The following MCF2L variants were observed in gnomAD, a reference collection of about 807,000 sequenced individuals.
MCF2L encodes guanine nucleotide exchange factor DBS.
In MCF2L, 97 loss-of-function variants were observed where a neutral mutation model predicts 153.4. That is an observed-to-expected ratio of 0.63 (90% CI 0.54 to 0.75). MCF2L has a LOEUF of 0.75. Ranked by LOEUF, MCF2L falls within the 30% of genes least tolerant of loss-of-function variation. The probability of loss-of-function intolerance (pLI) is 0.00; values close to 1 mark genes in which losing one functional copy is unlikely to be tolerated. For synonymous variants in MCF2L, 659 were observed against 632.2 expected, an observed-to-expected ratio of 1.04 and a Z score of -0.64; for missense variants, 1,347 against 1,495.2, an observed-to-expected ratio of 0.90 and a Z score of 1.64.
chr13:113,033,428 A>ATGATGTGAGTGGCCCCCG (rs1230355827), intron 3 of MCF2L, among the ~76,000 whole-genome samples: 2 of 24,632 alleles, frequency 8.1e-5, no homozygotes, highest in South Asian at 1.4e-3. Flanking sequence ...AGTGGCCCCC[A>ATGATGTGAGTGGCCCCCG]TGATGTGAGT....
In MCF2L at chr13:112,941,734, G is replaced by A. The variant is rs370820315; in HGVS notation, c.169+39363G>A. The stretch of plus-strand genomic sequence containing the variant: ...AATAAGAATAGTTATACTAGATATC[G>A]ATCTTAGATGTGATTATATATGAAT... On this transcript the variant is annotated intron_variant, in intron 2 of 29. Coordinates refer to the MCF2L transcript ENST00000375608. The surrounding 1 kb of genome is among the most constrained non-coding windows in gnomAD (Gnocchi z 4.9). Among the ~76,000 whole-genome samples, 2 of 152,000 alleles carry A rather than the reference G, an allele frequency of 1.3e-5. No individual in the cohort carries two copies. The highest frequency in any genetic ancestry group is 6.6e-5 in the Admixed American group (1 of 15,252).
At chr13:113,065,355 G>T (rs987241136) in intron 7 of MCF2L, 2 of 478,992 alleles carry the variant, frequency 4.2e-6, no homozygotes, top group African/African-American at 3.9e-5. Flanking sequence ...TCAACCATTG[G>T]CCCTGGGTGG....
chr13:113,039,485 TAA>T (rs1462034698), intron 3 of MCF2L, among the ~76,000 whole-genome samples: 3 of 152,214 alleles, frequency 2.0e-5, no homozygotes, highest in African/African-American at 7.2e-5. Context: ...ACATTAAAGT[TAA>T]GTTACTCTTT....
intron 16 of MCF2L, 30 bp downstream of exon 16, chr13:113,081,309 C>T (rs2034111602): frequency 7.7e-6 from 12 of 1,557,742 alleles, no homozygotes; most frequent in Non-Finnish European, 9.5e-6. Flanking sequence ...GGGCCGACTG[C>T]CACGGGGACT....
chr13:113,023,151 C>T (rs890983610), intron 2 of MCF2L, among the ~76,000 whole-genome samples: 6 of 152,358 alleles, frequency 3.9e-5, no homozygotes, highest in Admixed American at 1.3e-4. Context: ...GGACGCCCCT[C>T]GGCTCAGCCC....
chr13:113,064,606 G>C lies in MCF2L; in HGVS notation c.606+186G>C. 1.8e-6 allele frequency: 1 copy of C among 555,510 alleles called. No individual in the cohort carries two copies. Among genetic ancestry groups the C allele is most frequent in the South Asian group, 2.2e-5 (1 of 44,470 alleles). The allele number at this position is 555,510 out of a possible 1,614,324, so 34.4% of individuals were successfully genotyped here. On this transcript the variant is annotated intron_variant, in intron 6 of 29. Transcript: ENST00000535094. The surrounding 1 kb of genome is among the most constrained non-coding windows in gnomAD (Gnocchi z 6.0). ...TGTAAAGAAGTAACGTGAGTCATAA[G>C]TTTGGGAGTGGCTTTCTCTGGGCTT... is the stretch of plus-strand genomic sequence containing the variant.
At chr13:113,005,995 G>A (rs899984403) in intron 1 of MCF2L, among the ~76,000 whole-genome samples, 5 of 152,146 alleles carry the variant, frequency 3.3e-5, no homozygotes, top group South Asian at 2.1e-4. Flanking sequence ...GAAAATCATC[G>A]GACTCGAAGC....
At position 113,084,937 on chromosome 13, in the gene MCF2L, C is replaced by T. The variant is rs771776117; in HGVS notation, c.2107C>T (p.Arg703Cys). The T allele has an allele frequency of 1.5e-5, 25 of 1,613,964 alleles. No homozygotes were observed. Among genetic ancestry groups the T allele is most frequent in the Non-Finnish European group, 1.8e-5 (21 of 1,180,040 alleles). Residue 703 changes from arginine (R) to cysteine (C), a missense_variant, in exon 19 of 30, where the codon CGC becomes TGC. Physicochemically the swap from Arg to Cys is radical, Grantham distance 180. Coordinates refer to ENST00000535094, the MANE Select transcript of MCF2L (RefSeq NM_001112732.3). ...IYEKYCQNKP[R>C]SESLWRQCSD... ...TGAGAAGTACTGTCAGAACAAGCCCCGCTCTGAGAGCCTGTGGAGACAGTG... is the reference window on the plus strand; with the variant it reads ...TGAGAAGTACTGTCAGAACAAGCCCTGCTCTGAGAGCCTGTGGAGACAGTG...
chr13:113,091,192 C>T (rs1034864691), intron 26 of MCF2L: 13 of 1,301,816 alleles, frequency 1.0e-5, no homozygotes, highest in South Asian at 9.9e-5. Context: ...CTTTGGTGTG[C>T]GAGGTAGAGT....
At position 113,028,508 on chromosome 13, in the gene MCF2L, C is replaced by T. The variant is rs1450736579; in HGVS notation, c.278+3750C>T. ...CTCTGTAGATTGCGCATCTGTGAGTCGCACAGCCTGGTCTGGCTGAAGGTG... is the reference window on the plus strand; with the variant it reads ...CTCTGTAGATTGCGCATCTGTGAGTTGCACAGCCTGGTCTGGCTGAAGGTG... On this transcript the variant is annotated intron_variant, in intron 3 of 29. Coordinates refer to ENST00000535094, the MANE Select transcript of MCF2L (RefSeq NM_001112732.3). The surrounding 1 kb of genome is among the most constrained non-coding windows in gnomAD (Gnocchi z 5.4). Among the ~76,000 whole-genome samples the T allele has an allele frequency of 6.6e-6, 1 of 152,204 alleles. No homozygotes were observed. The highest frequency in any genetic ancestry group is 1.5e-5 in the Non-Finnish European group (1 of 68,034).
chr13:112,998,003 T>C (rs2083209624), intron 1 of MCF2L, among the ~76,000 whole-genome samples: 1 of 152,124 alleles, frequency 6.6e-6, no homozygotes, highest in Admixed American at 6.5e-5. Context: ...CTCTGTGCCC[T>C]GCGTGAGCCC....
rs2081970873 is a variant in MCF2L, at chr13:112,969,544, A to G, written c.79+86A>G. 6 of 1,532,486 alleles carry G rather than the reference A, an allele frequency of 3.9e-6. 1 individual carries two copies. The highest frequency in any genetic ancestry group is 2.0e-5 in the Admixed American group (1 of 50,378). 94.9% of individuals were successfully genotyped at this position (1,532,486 alleles called of 1,614,324 possible). A position where few individuals can be genotyped will look rare whatever the true frequency, so the allele number is the denominator to read the frequency against. ...GTGGGGAAATGCGTCTGATTTTTGT[A>G]AGCCGCCCTCGTGTTCCTTTCTAGC... On this transcript the variant is annotated intron_variant, in intron 1 of 29. Coordinates refer to ENST00000535094, the MANE Select transcript of MCF2L (RefSeq NM_001112732.3). The surrounding 1 kb of genome is among the most constrained non-coding windows in gnomAD (Gnocchi z 4.8).
intron 2 of MCF2L, among the ~76,000 whole-genome samples, chr13:112,934,137 C>T (rs569113419): frequency 6.6e-6 from 1 of 152,376 alleles, no homozygotes; most frequent in African/African-American, 2.4e-5. Flanking sequence ...TTCACTTGTG[C>T]ATCCACCTCC....
intron 1 of MCF2L, among the ~76,000 whole-genome samples, chr13:112,994,922 G>A (rs1235208905): frequency 5.3e-5 from 8 of 152,220 alleles, no homozygotes; most frequent in Non-Finnish European, 1.0e-4. Flanking sequence ...CGGTTTTATC[G>A]CCCAAAAAGG....
intron 22 of MCF2L, 52 bp downstream of exon 22, chr13:113,087,508 G>A (rs978697067): frequency 2.1e-6 from 3 of 1,450,858 alleles, no homozygotes; most frequent in East Asian, 2.4e-5. Context: ...GACCCCGACG[G>A]GGGAAGTCTG....
chr13:112,969,323 G>A lies in MCF2L; in HGVS notation c.-57G>A. ...CCGCACTCGCACGGCCCCACCCGCA[G>A]GCGCCCCCCGTGCGGAGGAAGCGGA... On this transcript the variant is annotated 5_prime_UTR_variant, in exon 1 of 30. Coordinates refer to ENST00000535094, the MANE Select transcript of MCF2L (RefSeq NM_001112732.3). This position sits in a 1 kb window ranked among gnomAD's most constrained non-coding sequence, Gnocchi z 4.8. 2 of 1,545,818 alleles carry A rather than the reference G, an allele frequency of 1.3e-6. No individual in the cohort carries two copies. Among genetic ancestry groups the A allele is most frequent in the Non-Finnish European group, 1.7e-6 (2 of 1,143,994 alleles).
chr13:113,094,519 A>G lies in MCF2L; in HGVS notation c.2959A>G (p.Ser987Gly). 6.2e-7 allele frequency: 1 copy of G among 1,611,150 alleles called. No individual in the cohort carries two copies. The highest frequency in any genetic ancestry group is 1.7e-5 in the Admixed American group (1 of 59,720). The change falls in exon 27 of 30, where the codon AGC becomes GGC. Residue 987 changes from serine (S) to glycine (G), a missense_variant. Ser to Gly is a moderately conservative substitution (Grantham distance 56). Coordinates refer to ENST00000535094, the MANE Select transcript of MCF2L (RefSeq NM_001112732.3). ...CGGGTGTCTGTCTCTCTTAGGTTGG[A>G]GCAAAACGTCCCACTCACTGGAGGC... ...TKPPEKGKGW[S>G]KTSHSLEAPE...
At position 112,903,135 on chromosome 13, in the gene MCF2L, G is replaced by T. The variant is rs368582753; in HGVS notation, c.169+764G>T. ...GGGCAGGCGTGGATTTGATGGCCGG[G>T]TGCTGGCCTGGCATTGCAAAATCCA... On this transcript the variant is annotated intron_variant, in intron 2 of 29. Transcript: ENST00000375608. 6.9e-4 allele frequency among the ~76,000 whole-genome samples: 105 copies of T among 152,362 alleles called. 2 individuals are homozygous for T. The South Asian group carries it at 0.02, about 29-fold the overall frequency.
At chr13:113,015,781 T>C (rs2084472267) in intron 2 of MCF2L, among the ~76,000 whole-genome samples, 1 of 152,192 alleles carries the variant, frequency 6.6e-6, no homozygotes, top group African/African-American at 2.4e-5. Context: ...CTGCTTCCCA[T>C]GGCCAAGTGG....
Sources: allele counts gnomAD v4.1 joint callset (sites outside exome capture counted in the v4.1 genomes callset), GRCh38; gene constraint gnomAD v4.1.1; non-coding constraint Gnocchi (gnomAD v3.1); transcripts MANE v1.5; gene names NCBI Gene and HGNC (gene_info 2026-07-23, HGNC 2026-07-21).